CASZ1: variants seen among roughly 807,000 people sequenced by gnomAD.
The protein encoded by CASZ1 is castor zinc finger 1.
In CASZ1, 28 loss-of-function variants were observed where a neutral mutation model predicts 135.2. That is an observed-to-expected ratio of 0.21 (90% CI 0.15 to 0.28). CASZ1 has a LOEUF of 0.28. CASZ1 is among the 10% of genes least tolerant of loss of function. The pLI, the probability that CASZ1 is intolerant of heterozygous loss-of-function variation, is 1.00. For missense variants in CASZ1, 2,161 were observed against 2,453.3 expected, an observed-to-expected ratio of 0.88 and a Z score of 2.52; for synonymous variants, 1,068 against 1,073.4, an observed-to-expected ratio of 0.99 and a Z score of 0.10.
At chr1:10,775,361 A>AT (rs766226409) in intron 1 of CASZ1, among the ~76,000 whole-genome samples, 1,921 of 148,078 alleles carry the variant, frequency 0.013, 13 homozygotes, top group Non-Finnish European at 0.021. Context: ...AGACGACTTG[A>AT]TTTTTTTTTT....
intron 1 of CASZ1, among the ~76,000 whole-genome samples, chr1:10,784,858 AC>A (rs1261848513): frequency 6.6e-6 from 1 of 152,086 alleles, no homozygotes; most frequent in Non-Finnish European, 1.5e-5. Flanking sequence ...GAACCACCGC[AC>A]CTGGCCCCAA....
chr1:10,686,891 G>A (rs1329046350), intron 4 of CASZ1, among the ~76,000 whole-genome samples: 2 of 152,186 alleles, frequency 1.3e-5, no homozygotes, highest in South Asian at 2.1e-4. Flanking sequence ...GGCAGATGCC[G>A]TGGGGCACCC....
rs556303666 is a variant in CASZ1, at chr1:10,709,620, G to C, written c.-76-4076C>G. On this transcript the variant is annotated intron_variant, in intron 2 of 20. Transcript: ENST00000377022. This position sits in a 1 kb window ranked among gnomAD's most constrained non-coding sequence, Gnocchi z 5.1. ...TGAAAAAGAAAGAGAGAGCGGGAGA[G>C]GGGGAGAGAGAGAGAGGGAGAGAGA... Among the ~76,000 whole-genome samples, 63 of 152,248 alleles carry C rather than the reference G, an allele frequency of 4.1e-4. No homozygotes were observed. Among genetic ancestry groups the C allele is most frequent in the Middle Eastern group, 6.8e-3 (2 of 294 alleles).
chr1:10,789,602 C>T (rs1003416734), intron 1 of CASZ1, among the ~76,000 whole-genome samples: 7 of 151,768 alleles, frequency 4.6e-5, no homozygotes, highest in South Asian at 2.1e-4. Context: ...TCTTTCTCTA[C>T]GTGTCTTTTC....
At chr1:10,673,611 A>G (rs1427295161) in intron 4 of CASZ1, among the ~76,000 whole-genome samples, 2 of 152,158 alleles carry the variant, frequency 1.3e-5, no homozygotes, top group Non-Finnish European at 2.9e-5. Flanking sequence ...TTCATTACCC[A>G]TGCACGCAGT....
In CASZ1 at chr1:10,709,209, T is replaced by C. The variant is rs943624391; in HGVS notation, c.-76-3665A>G. Among the ~76,000 whole-genome samples, 5 of 152,238 alleles carry C rather than the reference T, an allele frequency of 3.3e-5. No individual in the cohort carries two copies. Among genetic ancestry groups the C allele is most frequent in the African/African-American group, 1.2e-4 (5 of 41,562 alleles). On this transcript the variant is annotated intron_variant, in intron 2 of 20. Coordinates refer to ENST00000377022, the MANE Select transcript of CASZ1 (RefSeq NM_001079843.3). The surrounding 1 kb of genome is among the most constrained non-coding windows in gnomAD (Gnocchi z 5.1). Reference sequence around the variant, plus strand: ...GGCCAGGCTCCTCGGCCAGCACTCCTACCTGCTCCCCAGGCCTCCCGGGGC... The same window carrying C: ...GGCCAGGCTCCTCGGCCAGCACTCCCACCTGCTCCCCAGGCCTCCCGGGGC...
rs1395723771 is a variant in CASZ1 at position 10,709,894 on chromosome 1, G to C, written c.-76-4350C>G. 1.3e-5 allele frequency among the ~76,000 whole-genome samples: 2 copies of C among 152,328 alleles called. No individual in the cohort carries two copies. Among genetic ancestry groups the C allele is most frequent in the South Asian group, 2.1e-4 (1 of 4,828 alleles). On this transcript the variant is annotated intron_variant, in intron 2 of 20. Coordinates refer to ENST00000377022, the MANE Select transcript of CASZ1 (RefSeq NM_001079843.3). This position sits in a 1 kb window ranked among gnomAD's most constrained non-coding sequence, Gnocchi z 5.1. ...CCAGCAGGTGCCCGATCGAGACAGAGGCCTCGGGAAAGGAGCCTGGGCCCC... is the reference window on the plus strand; with the variant it reads ...CCAGCAGGTGCCCGATCGAGACAGACGCCTCGGGAAAGGAGCCTGGGCCCC...
intron 10 of CASZ1, 57 bp from the exon 11 acceptor site, chr1:10,654,275 AC>A: frequency 6.3e-7 from 1 of 1,581,428 alleles, no homozygotes; most frequent in Non-Finnish European, 8.6e-7. Context: ...ACCCTGCTAC[AC>A]CATGGCCCTG....
chr1:10,748,417 C>T (rs556858704), intron 2 of CASZ1, among the ~76,000 whole-genome samples: 8 of 152,250 alleles, frequency 5.3e-5, no homozygotes, highest in Non-Finnish European at 1.2e-4. Context: ...TGACCCCTCA[C>T]TCAGTACCTA....
At chr1:10,686,907 C>T (rs764148300) in intron 4 of CASZ1, among the ~76,000 whole-genome samples, 6 of 152,328 alleles carry the variant, frequency 3.9e-5, no homozygotes, top group African/African-American at 1.2e-4. Context: ...CACCCCCTGC[C>T]GGGCAGTGGA....
At chr1:10,745,397 C>G (rs1347210764) in intron 2 of CASZ1, among the ~76,000 whole-genome samples, 6 of 151,942 alleles carry the variant, frequency 3.9e-5, no homozygotes, top group East Asian at 1.9e-4. Flanking sequence ...ACCAGGGACA[C>G]GAACACAGAC....
Position 10,647,668 on chromosome 1 carries a change from T to A in CASZ1, c.3497+133A>T. On this transcript the variant is annotated intron_variant, in intron 16 of 20. Coordinates refer to ENST00000377022, the MANE Select transcript of CASZ1 (RefSeq NM_001079843.3). The surrounding 1 kb of genome is among the most constrained non-coding windows in gnomAD (Gnocchi z 4.9). ...CTTTGGCTAGAAGGACATCACCCGATGGCCATGCCCCAGAGAGGCTGGGGA... is the reference window on the plus strand; with the variant it reads ...CTTTGGCTAGAAGGACATCACCCGAAGGCCATGCCCCAGAGAGGCTGGGGA... 1 of 1,498,896 alleles carries A rather than the reference T, an allele frequency of 6.7e-7. No homozygotes were observed. The allele number at this position is 1,498,896 out of a possible 1,614,324, so 92.8% of individuals were successfully genotyped here.
rs150198718 is a variant in CASZ1 at position 10,697,830 on chromosome 1, G to T, written c.-23-3918C>A. The stretch of plus-strand genomic sequence containing the variant: ...CAGGGCACAGAAGCCTTGGCCAAAG[G>T]ACTGCGTGTGCCTGCGAACAAGCAT... On this transcript the variant is annotated intron_variant, in intron 3 of 20. Transcript: ENST00000377022. The surrounding 1 kb of genome is among the most constrained non-coding windows in gnomAD (Gnocchi z 4.7). 6.6e-6 allele frequency among the ~76,000 whole-genome samples: 1 copy of T among 152,386 alleles called. No homozygotes were observed. Among genetic ancestry groups the T allele is most frequent in the East Asian group, 1.9e-4 (1 of 5,186 alleles).
At position 10,679,087 on chromosome 1, in the gene CASZ1, G is replaced by A. The variant is rs1638331829; in HGVS notation, c.17-13516C>T. Among the ~76,000 whole-genome samples, 1 of 152,172 alleles carries A rather than the reference G, an allele frequency of 6.6e-6. No homozygotes were observed. Among genetic ancestry groups the A allele is most frequent in the Non-Finnish European group, 1.5e-5 (1 of 68,032 alleles). The stretch of plus-strand genomic sequence containing the variant: ...ACTCTCCTCCATCACTGCTCCCTGG[G>A]CCATGAAGAGCTGAGGTTCAGGAGG... On this transcript the variant is annotated intron_variant, in intron 4 of 20. Transcript: ENST00000377022. This position sits in a 1 kb window ranked among gnomAD's most constrained non-coding sequence, Gnocchi z 4.7.
Position 10,759,952 on chromosome 1 carries a change from C to T in CASZ1, c.-77+749G>A, listed in dbSNP as rs1322486428. Among the ~76,000 whole-genome samples the T allele has an allele frequency of 1.3e-5, 2 of 152,188 alleles. No individual in the cohort carries two copies. Among genetic ancestry groups the T allele is most frequent in the East Asian group, 3.8e-4 (2 of 5,200 alleles). ...TCTCAAGAAAGTACTGAATAATGAC[C>T]AGCATGCAATGAGTCACCCAATGTG... is the stretch of plus-strand genomic sequence containing the variant. On this transcript the variant is annotated intron_variant, in intron 2 of 20. Transcript: ENST00000377022. This position sits in a 1 kb window ranked among gnomAD's most constrained non-coding sequence, Gnocchi z 4.2.
intron 4 of CASZ1, among the ~76,000 whole-genome samples, chr1:10,685,681 C>T (rs1369749721): frequency 6.6e-6 from 1 of 152,264 alleles, no homozygotes; most frequent in Non-Finnish European, 1.5e-5. Flanking sequence ...GGGCACGAAG[C>T]TGGCCCCGCA....
At position 10,655,645 on chromosome 1, in the gene CASZ1, G is replaced by T; in HGVS notation, c.1665+4C>A. 2.5e-6 allele frequency: 4 copies of T among 1,610,298 alleles called. No homozygotes were observed. Among genetic ancestry groups the T allele is most frequent in the Non-Finnish European group, 3.4e-6 (4 of 1,177,900 alleles). The stretch of plus-strand genomic sequence containing the variant: ...TGCCCAGTGGGCCCGGGTGCGGGAG[G>T]CACCTGCATGCAGTGATAGTGGGTG... On this transcript the variant is annotated splice_donor_region_variant and intron_variant, in intron 9 of 20. Transcript: ENST00000377022.
rs775323121 is a variant in CASZ1, at chr1:10,648,009, C to A, written c.3289G>T (p.Val1097Leu). ...PPVPPVTTAT[V>L]SSLEGPAPSP... ...GGAGCGGGCCCCTCCAGAGAGGACA[C>A]CGTGGCCGTGGTGACAGGAGGGACC... Residue 1097 changes from valine (V) to leucine (L), a missense_variant, in exon 16 of 21, where the codon GTG (valine) becomes TTG (leucine). By Grantham distance (32) the Val-to-Leu change is conservative. Around this residue, in one of 7 missense-constraint regions of CASZ1, gnomAD observed 349 missense variants for 460.8 expected, o/e 0.76. Transcript: ENST00000377022. The A allele has an allele frequency of 1.9e-6, 3 of 1,601,072 alleles. No individual in the cohort carries two copies. In the East Asian group the frequency reaches 6.7e-5, roughly 36 times the overall value.
At chr1:10,671,089 T>TATG (rs1209174868) in intron 4 of CASZ1, among the ~76,000 whole-genome samples, 1 of 152,226 alleles carries the variant, frequency 6.6e-6, no homozygotes, top group African/African-American at 2.4e-5. Flanking sequence ...ATTTATTTAT[T>TATG]ATGATTTTTT....
Sources: gnomAD v4.1 joint callset for allele counts (sites outside exome capture counted in the v4.1 genomes callset) on GRCh38, gnomAD v4.1.1 for gene constraint, gnomAD v4.1.1 regional missense constraint, Gnocchi (gnomAD v3.1) non-coding constraint, MANE v1.5 for transcripts, NCBI Gene and HGNC (gene_info 2026-07-23, HGNC 2026-07-21) for gene names.